Variants in PMFBP1 observed in about 807,000 individuals in gnomAD.
PMFBP1 encodes polyamine-modulated factor 1-binding protein 1.
A neutral mutation model predicts 137.8 loss-of-function variants in PMFBP1; 131 were observed. The observed-to-expected ratio is 0.95, with a 90% confidence interval of 0.82 to 1.10. The LOEUF (loss-of-function observed/expected upper bound fraction) is 1.10. PMFBP1 is among the 50% of genes least tolerant of loss of function. The pLI, the probability that PMFBP1 is intolerant of heterozygous loss-of-function variation, is 0.00. For synonymous variants in PMFBP1, 490 were observed against 450.4 expected (o/e 1.09, Z -1.11); for missense variants, 1,199 against 1,175.4 (o/e 1.02, Z -0.29).
the PMFBP1 span, among the ~76,000 whole-genome samples, chr16:72,235,579 T>C: frequency 3.9e-4 from 59 of 152,126 alleles, no homozygotes; most frequent in African/African-American, 1.4e-3. Flanking sequence ...TTGATAGGGA[T>C]TGTGTTGAAT....
intron 5 of PMFBP1, among the ~76,000 whole-genome samples, chr16:72,149,913 CA>C (rs1242070622): frequency 6.6e-6 from 1 of 152,132 alleles, no homozygotes. Flanking sequence ...AGAGGATTCT[CA>C]ACACATGATT....
At chr16:72,144,782 T>C (rs2042780002) in intron 5 of PMFBP1, among the ~76,000 whole-genome samples, 1 of 152,064 alleles carries the variant, frequency 6.6e-6, no homozygotes, top group Non-Finnish European at 1.5e-5. Flanking sequence ...AATTAAAATC[T>C]TCTGGCATTA....
intron 2 of PMFBP1, among the ~76,000 whole-genome samples, chr16:72,168,493 T>A (rs1407596995): frequency 6.6e-6 from 1 of 152,210 alleles, no homozygotes; most frequent in African/African-American, 2.4e-5. Flanking sequence ...CTTTTGAGTA[T>A]CAACATGCAA....
intron 5 of PMFBP1, among the ~76,000 whole-genome samples, chr16:72,149,349 A>T (rs1455870627): frequency 6.6e-6 from 1 of 152,242 alleles, no homozygotes; most frequent in East Asian, 1.9e-4. Context: ...ATAATTTAGA[A>T]GTATCTTTAA....
intron 10 of PMFBP1, among the ~76,000 whole-genome samples, chr16:72,131,825 C>A (rs2042553317): frequency 6.6e-6 from 1 of 152,136 alleles, no homozygotes; most frequent in South Asian, 2.1e-4. Flanking sequence ...ATAAGTAATT[C>A]ATATAACATA....
At position 72,157,493 on chromosome 16, in the gene PMFBP1, G is replaced by C. The variant is rs577615939; in HGVS notation, c.166-3034C>G. Among the ~76,000 whole-genome samples, 4 of 152,282 alleles carry C rather than the reference G, an allele frequency of 2.6e-5. No homozygotes were observed. The South Asian group carries it at 8.3e-4, about 32-fold the overall frequency. On this transcript the variant is annotated intron_variant, in intron 3 of 20. Coordinates refer to ENST00000237353, the MANE Select transcript of PMFBP1 (RefSeq NM_031293.3). ...TGGCCTTGGAGGTGGAAGCATGCCT[G>C]GTGGTATTTGAGGAGCCCCAGGGGT... is the stretch of plus-strand genomic sequence containing the variant.
chr16:72,173,252 A>G (rs1335063709), upstream of PMFBP1, among the ~76,000 whole-genome samples: 1 of 152,230 alleles, frequency 6.6e-6, no homozygotes, highest in Non-Finnish European at 1.5e-5. Flanking sequence ...TTTCTTTAGG[A>G]GGAACTATGA....
At chr16:72,117,436 T>A (rs1238716341), downstream of PMFBP1, among the ~76,000 whole-genome samples, 3 of 152,148 alleles carry the variant, frequency 2.0e-5, no homozygotes, top group Non-Finnish European at 4.4e-5. Context: ...TCTTTAGGGT[T>A]TTTTACATAT....
intron 10 of PMFBP1, 93 bp from the exon 11 acceptor site, chr16:72,130,815 G>T: frequency 8.2e-7 from 1 of 1,223,560 alleles, no homozygotes; most frequent in Non-Finnish European, 1.1e-6. Context: ...CTTTCATTTT[G>T]TGCCCTACTT....
At chr16:72,199,274 TA>T in the PMFBP1 span, among the ~76,000 whole-genome samples, 1 of 107,974 alleles carries the variant, frequency 9.3e-6, no homozygotes, top group South Asian at 3.3e-4. Context: ...ATGTCACTTT[TA>T]AGAAGACCTG....
At chr16:72,205,991 C>T in the PMFBP1 span, among the ~76,000 whole-genome samples, 2 of 152,226 alleles carry the variant, frequency 1.3e-5, no homozygotes, top group East Asian at 1.9e-4. Context: ...AGAAACCTCA[C>T]TGCTTTGTTT....
Position 72,129,091 on chromosome 16 carries a change from T to C in PMFBP1, c.1925A>G (p.Gln642Arg), listed in dbSNP as rs766010325. 4 of 1,613,958 alleles carry C rather than the reference T, an allele frequency of 2.5e-6. No individual in the cohort carries two copies. Among genetic ancestry groups the C allele is most frequent in the Non-Finnish European group, 3.4e-6 (4 of 1,179,998 alleles). ...CGTCTTGTCTTTCTTTTTAAATTCC[T>C]GCCGCAAAGCTTCAAGTTCTCCCTC... ...LMEGELEALR[Q>R]EFKKKDKTLK... Residue 642 changes from glutamine (Q) to arginine (R), a missense_variant, in exon 13 of 21, where the codon CAG (glutamine) becomes CGG (arginine). Physicochemically the swap from Gln to Arg is conservative, Grantham distance 43. Transcript: ENST00000237353.
chr16:72,125,018 G>C (rs2042433360), intron 16 of PMFBP1, 84 bp from the exon 17 acceptor site: 1 of 1,525,958 alleles, frequency 6.6e-7, no homozygotes, highest in Non-Finnish European at 8.9e-7. Flanking sequence ...GTGCTTCCTG[G>C]GCCTTGGGAT....
Position 72,119,305 on chromosome 16 carries a change from C to T in PMFBP1, c.*33G>A, listed in dbSNP as rs149230267. ...ACTCACTGTCCTCTGAAGAAACACC[C>T]GTGGAAATGCTGCTCAGGGCTAGAT... On this transcript the variant is annotated 3_prime_UTR_variant, in exon 21 of 21. Transcript: ENST00000237353. 167 of 1,606,958 alleles carry T rather than the reference C, an allele frequency of 1.0e-4. No individual in the cohort carries two copies. The East Asian group carries it at 2.8e-3, about 27-fold the overall frequency.
intron 5 of PMFBP1, among the ~76,000 whole-genome samples, chr16:72,146,055 A>T (rs1187987751): frequency 2.0e-5 from 3 of 151,400 alleles, no homozygotes; most frequent in Admixed American, 6.6e-5. Context: ...CTGATACCAA[A>T]ACAGAGACAC....
At chr16:72,135,778 A>C (rs2042621256) in intron 9 of PMFBP1, among the ~76,000 whole-genome samples, 2 of 103,908 alleles carry the variant, frequency 1.9e-5, no homozygotes, top group Admixed American at 1.5e-4. Flanking sequence ...ACAGGGTCTC[A>C]TTCTAGTGTC....
At chr16:72,211,237 T>C in the PMFBP1 span, among the ~76,000 whole-genome samples, 779 of 152,306 alleles carry the variant, frequency 5.1e-3, 7 homozygotes, top group African/African-American at 0.017. Flanking sequence ...TCAAAAGGCT[T>C]GGATAAAAAT....
the PMFBP1 span, among the ~76,000 whole-genome samples, chr16:72,228,356 C>T: frequency 6.6e-6 from 1 of 152,184 alleles, no homozygotes. Flanking sequence ...TATTCCCTTA[C>T]GATTTTGTTA....
rs752449415 is a variant in PMFBP1 at position 72,154,309 on chromosome 16, T to C, written c.316A>G (p.Thr106Ala). 3.7e-6 allele frequency: 6 copies of C among 1,614,142 alleles called. No individual in the cohort carries two copies. The Admixed American group carries it at 5.0e-5, about 13-fold the overall frequency. The change falls in exon 4 of 21, where the codon ACT becomes GCT. Residue 106 changes from threonine (T) to alanine (A), a missense_variant. Coordinates refer to ENST00000237353, the MANE Select transcript of PMFBP1 (RefSeq NM_031293.3). The stretch of plus-strand genomic sequence containing the variant: ...TACTGGCGGAGAGAATAGTAAGAAG[T>C]CTGCAACTCCTCTGTGTGAAACTCC... ...ELEFHTEELQ[T>A]SYYSLRQYQS... is the part of the protein sequence containing the mutation.
Sources: gnomAD v4.1 joint callset for allele counts (sites outside exome capture counted in the v4.1 genomes callset) on GRCh38, gnomAD v4.1.1 for gene constraint, MANE v1.5 for transcripts, NCBI Gene and HGNC (gene_info 2026-07-23, HGNC 2026-07-21) for gene names.